The following DPF3 variants were observed in gnomAD, a reference collection of about 807,000 sequenced individuals.
DPF3 encodes the protein double PHD fingers 3.
Under a neutral mutation model 56.8 loss-of-function variants are expected in DPF3, and 18 were observed. That is an observed-to-expected ratio of 0.32 (90% CI 0.22 to 0.47). The LOEUF is 0.47. DPF3 is among the 20% of genes least tolerant of loss of function. DPF3 has a pLI of 1.00. For missense variants in DPF3, 403 were observed against 488.8 expected (o/e 0.82, Z 1.65); for synonymous variants, 188 against 180.2 (o/e 1.04, Z -0.35).
intron 7 of DPF3, among the ~76,000 whole-genome samples, chr14:72,675,160 G>C (rs1886855311): frequency 6.6e-6 from 1 of 152,178 alleles, no homozygotes; most frequent in Non-Finnish European, 1.5e-5. Flanking sequence ...TCCTGCTGGA[G>C]GTCCTTAAAC....
intron 3 of DPF3, among the ~76,000 whole-genome samples, chr14:72,734,616 T>C (rs984015229): frequency 5.9e-5 from 9 of 152,158 alleles, no homozygotes; most frequent in African/African-American, 1.2e-4. Context: ...TATTTATTAG[T>C]GTTATTTCCC....
intron 8 of DPF3, among the ~76,000 whole-genome samples, chr14:72,632,370 G>A (rs113170422): frequency 1.1e-4 from 16 of 152,230 alleles, no homozygotes; most frequent in East Asian, 7.7e-4. Flanking sequence ...CAATTGCCTG[G>A]TTTTGATATT....
intron 1 of DPF3, among the ~76,000 whole-genome samples, chr14:72,851,847 T>A (rs1056231941): frequency 6.6e-6 from 1 of 152,140 alleles, no homozygotes; most frequent in Non-Finnish European, 1.5e-5. Flanking sequence ...AGGCGGCCAA[T>A]GGGAGGACAG....
intron 5 of DPF3, among the ~76,000 whole-genome samples, chr14:72,716,006 C>T (rs1888909526): frequency 6.6e-6 from 1 of 151,824 alleles, no homozygotes; most frequent in Non-Finnish European, 1.5e-5. Context: ...CAGCTGCCCT[C>T]CCCCTCCACA....
intron 6 of DPF3, among the ~76,000 whole-genome samples, chr14:72,703,841 C>A (rs372026729): frequency 4.9e-4 from 75 of 152,346 alleles, no homozygotes; most frequent in African/African-American, 1.8e-3. Context: ...CTTGATCAGA[C>A]AACTCCCTTA....
At chr14:72,739,156 C>T (rs1027334150) in intron 3 of DPF3, among the ~76,000 whole-genome samples, 14 of 151,672 alleles carry the variant, frequency 9.2e-5, no homozygotes, top group Non-Finnish European at 1.6e-4. Flanking sequence ...GTGGGAGAAT[C>T]GCTTGAACCT....
At chr14:72,861,516 A>G (rs1377801339) in intron 1 of DPF3, among the ~76,000 whole-genome samples, 2 of 152,126 alleles carry the variant, frequency 1.3e-5, no homozygotes, top group African/African-American at 4.8e-5. Context: ...TTAAAAAACA[A>G]AACTTCCCTG....
intron 2 of DPF3, among the ~76,000 whole-genome samples, chr14:72,763,380 T>C (rs995475409): frequency 6.6e-6 from 1 of 152,030 alleles, no homozygotes; most frequent in Non-Finnish European, 1.5e-5. Flanking sequence ...CAAGACAGTG[T>C]GGTAAGAGTA....
At chr14:72,681,494 T>C (rs1887163984) in intron 7 of DPF3, among the ~76,000 whole-genome samples, 1 of 152,174 alleles carries the variant, frequency 6.6e-6, no homozygotes, top group Non-Finnish European at 1.5e-5. Flanking sequence ...CAGGAGCCAG[T>C]GAGAACAGAG....
chr14:72,691,940 G>T (rs1887705282), intron 7 of DPF3, among the ~76,000 whole-genome samples: 1 of 152,096 alleles, frequency 6.6e-6, no homozygotes, highest in South Asian at 2.1e-4. Flanking sequence ...CATCTGTGGG[G>T]TTTTCTTATG....
chr14:72,731,576 A>T (rs1889646995), intron 4 of DPF3: 1 of 536,078 alleles, frequency 1.9e-6, no homozygotes, highest in Non-Finnish European at 3.3e-6. Context: ...CTTTGCATAG[A>T]CAGACAGAAG....
At chr14:72,892,629 G>A (rs144565870) in intron 1 of DPF3, 34,509 of 1,160,780 alleles carry the variant, frequency 0.03, 548 homozygotes, top group Middle Eastern at 0.059. Flanking sequence ...TCCAGGAGTG[G>A]CCAGGGGTGA....
At position 72,731,887 on chromosome 14, in the gene DPF3, T is replaced by A; in HGVS notation, c.349A>T (p.Thr117Ser). Residue 117 changes from threonine (T) to serine (S), a missense_variant, in exon 4 of 11, where the codon ACG (threonine) becomes TCG (serine). By Grantham distance (58) the Thr-to-Ser change is moderately conservative. Coordinates refer to ENST00000556509, the MANE Select transcript of DPF3 (RefSeq NM_001280542.3). ...TCGCCACGGAGCAAGGCTTCCAGCG[T>A]GGTGCTCTCTGAGGTGAACCCATCC... is the stretch of plus-strand genomic sequence containing the variant. Reference protein sequence around the residue: ...KKDGFTSESTTLEALLRGEGV... With the variant: ...KKDGFTSESTSLEALLRGEGV... 1.9e-6 allele frequency: 3 copies of A among 1,606,728 alleles called. No homozygotes were observed. The highest frequency in any genetic ancestry group is 2.5e-6 in the Non-Finnish European group (3 of 1,176,578).
intron 3 of DPF3, 87 bp downstream of exon 3, chr14:72,753,177 A>G: frequency 7.8e-7 from 1 of 1,281,154 alleles, no homozygotes; most frequent in Non-Finnish European, 1.1e-6. Context: ...TCTATGGACA[A>G]AGGAGCAAAC....
intron 8 of DPF3, among the ~76,000 whole-genome samples, chr14:72,633,169 GA>G (rs1885266728): frequency 6.6e-6 from 1 of 152,300 alleles, no homozygotes; most frequent in Admixed American, 6.5e-5. Flanking sequence ...ACTTAGATGA[GA>G]AAGACTGTAG....
chr14:72,714,733 T>C (rs1399792769), intron 5 of DPF3, among the ~76,000 whole-genome samples: 1 of 152,146 alleles, frequency 6.6e-6, no homozygotes, highest in African/African-American at 2.4e-5. Context: ...AAGAGGTGGT[T>C]TCTACTAGGG....
At chr14:72,640,868 C>T (rs1038385876) in intron 8 of DPF3, among the ~76,000 whole-genome samples, 7 of 151,958 alleles carry the variant, frequency 4.6e-5, no homozygotes, top group African/African-American at 1.5e-4. Flanking sequence ...GTAGATGAAG[C>T]CTTGGAAGTT....
chr14:72,881,563 T>C (rs1458780218), intron 1 of DPF3, among the ~76,000 whole-genome samples: 3 of 152,114 alleles, frequency 2.0e-5, no homozygotes, highest in Admixed American at 1.3e-4. Context: ...CAAATAAATA[T>C]ATCAGTCTGG....
At chr14:72,805,467 C>T (rs10142593) in intron 1 of DPF3, among the ~76,000 whole-genome samples, 145,178 of 150,032 alleles carry the variant, frequency 0.97, 70,258 homozygotes, top group East Asian at 1. Context: ...TGAAACTCTA[C>T]CTCCAAAAAA....
Sources: allele counts gnomAD v4.1 joint callset (sites outside exome capture counted in the v4.1 genomes callset), GRCh38; gene constraint gnomAD v4.1.1; transcripts MANE v1.5; gene names NCBI Gene and HGNC (gene_info 2026-07-23, HGNC 2026-07-21).